Variants in SECISBP2L observed in about 807,000 individuals in gnomAD.
SECISBP2L encodes the protein selenocysteine insertion sequence-binding protein 2-like.
In SECISBP2L, 43 loss-of-function variants were observed where a neutral mutation model predicts 114.7. That is an observed-to-expected ratio of 0.38 (90% CI 0.29 to 0.48). The LOEUF is 0.48. Ranked by LOEUF, SECISBP2L falls within the 20% of genes least tolerant of loss-of-function variation. SECISBP2L has a pLI of 0.98. For missense variants in SECISBP2L, 1,136 were observed against 1,301.1 expected, an observed-to-expected ratio of 0.87 and a Z score of 1.95; for synonymous variants, 451 against 439.7, an observed-to-expected ratio of 1.03 and a Z score of -0.32.
In SECISBP2L at chr15:49,030,121, T is replaced by G. The variant is rs1902856168; in HGVS notation, c.665-1439A>C. ...TTCCTTTTTCCACATTTCTGCCGAT[T>G]CATAATTTTTATACAACACTGATAC... On this transcript the variant is annotated intron_variant, in intron 4 of 17. Transcript: ENST00000559471. 2.0e-5 allele frequency among the ~76,000 whole-genome samples: 3 copies of G among 152,156 alleles called. No homozygotes were observed. In the South Asian group the frequency reaches 6.2e-4, roughly 32 times the overall value.
chr15:49,024,218 C>A (rs1180055430), intron 7 of SECISBP2L, among the ~76,000 whole-genome samples: 1 of 152,132 alleles, frequency 6.6e-6, no homozygotes, highest in Non-Finnish European at 1.5e-5. Context: ...AATCAGTAGG[C>A]TGGGTGCCAT....
intron 13 of SECISBP2L, 28 bp downstream of exon 13, chr15:49,011,703 A>C (rs1902439380): frequency 1.2e-6 from 2 of 1,612,280 alleles, no homozygotes; most frequent in Non-Finnish European, 1.7e-6. Context: ...CCATTCCATG[A>C]GAAGAGGAGA....
intron 1 of SECISBP2L, among the ~76,000 whole-genome samples, chr15:49,040,410 ACT>A (rs1903099114): frequency 6.6e-6 from 1 of 151,108 alleles, no homozygotes; most frequent in African/African-American, 2.4e-5. Context: ...TATAGCTACA[ACT>A]CTGTATGGTT....
At chr15:49,023,023 C>T (rs1049627608) in intron 7 of SECISBP2L, among the ~76,000 whole-genome samples, 1 of 108,908 alleles carries the variant, frequency 9.2e-6, no homozygotes, top group African/African-American at 2.7e-5. Context: ...CCTTTAGAAG[C>T]CATCAAAAAA....
chr15:49,031,301 G>A (rs897093404), intron 4 of SECISBP2L, among the ~76,000 whole-genome samples: 6 of 151,738 alleles, frequency 4.0e-5, no homozygotes, highest in South Asian at 2.1e-4. Context: ...TGTCTGCCTC[G>A]GCCTCCCAAA....
chr15:48,993,406 G>A (rs188666592), intron 17 of SECISBP2L, among the ~76,000 whole-genome samples: 66 of 152,100 alleles, frequency 4.3e-4, no homozygotes, highest in African/African-American at 1.5e-3. Flanking sequence ...ATACCAATAG[G>A]AGCTCACTGG....
intron 1 of SECISBP2L, 31 bp downstream of exon 1, chr15:49,046,245 G>A (rs947215840): frequency 5.8e-6 from 9 of 1,565,058 alleles, no homozygotes; most frequent in Admixed American, 5.6e-5. Context: ...CCCAACCCCC[G>A]GCTCGGCGGG....
intron 17 of SECISBP2L, among the ~76,000 whole-genome samples, chr15:48,994,582 G>A (rs1268477752): frequency 6.6e-6 from 1 of 152,070 alleles, no homozygotes; most frequent in Non-Finnish European, 1.5e-5. Context: ...AACATCAGCT[G>A]TACTCTTTCT....
chr15:49,033,908 T>C (rs1027101712), intron 3 of SECISBP2L, among the ~76,000 whole-genome samples: 1 of 152,214 alleles, frequency 6.6e-6, no homozygotes, highest in African/African-American at 2.4e-5. Context: ...CATCACTTAA[T>C]AGCAACTTAC....
chr15:48,996,596 AAG>A lies in SECISBP2L; in HGVS notation c.2404-12_2404-11del. Reference sequence around the variant, plus strand: ...ATTTATTAAACAGGCTCTGAAAAGAAAGAGTATTTTGATTAATCCATTTTTTT... The same window carrying A: ...ATTTATTAAACAGGCTCTGAAAAGAAAGTATTTTGATTAATCCATTTTTTT... On this transcript the variant is annotated splice_polypyrimidine_tract_variant and intron_variant, in intron 16 of 17. Coordinates refer to ENST00000559471, the MANE Select transcript of SECISBP2L (RefSeq NM_001193489.2). 1.2e-6 allele frequency: 2 copies of A among 1,607,588 alleles called. No homozygotes were observed. Among genetic ancestry groups the A allele is most frequent in the Non-Finnish European group, 1.7e-6 (2 of 1,176,540 alleles).
chr15:49,030,355 T>C (rs1188632082), intron 4 of SECISBP2L, among the ~76,000 whole-genome samples: 1 of 152,116 alleles, frequency 6.6e-6, no homozygotes, highest in East Asian at 1.9e-4. Flanking sequence ...AAATACCCCC[T>C]CTCTTTCTAG....
chr15:49,038,280 G>C (rs1260716286), intron 1 of SECISBP2L, among the ~76,000 whole-genome samples: 2 of 151,988 alleles, frequency 1.3e-5, no homozygotes, highest in Admixed American at 1.3e-4. Context: ...ACATTAACAA[G>C]AAAAAATCTG....
chr15:49,009,164 T>C (rs999167465), intron 14 of SECISBP2L, 52 bp downstream of exon 14: 1 of 1,564,084 alleles, frequency 6.4e-7, no homozygotes, highest in African/African-American at 1.4e-5. Flanking sequence ...AATTCAGAAC[T>C]ACAATCAAGA....
intron 17 of SECISBP2L, among the ~76,000 whole-genome samples, chr15:48,993,800 G>A (rs1902037364): frequency 6.6e-6 from 1 of 151,522 alleles, no homozygotes; most frequent in South Asian, 2.1e-4. Flanking sequence ...ATCAGTTGAA[G>A]GCAAAAAAAG....
chr15:48,994,303 T>TGG (rs1190133767), intron 17 of SECISBP2L, among the ~76,000 whole-genome samples: 1 of 152,218 alleles, frequency 6.6e-6, no homozygotes, highest in East Asian at 1.9e-4. Context: ...CTACTAAATC[T>TGG]GTTTACTACT....
chr15:48,996,249 C>A (rs773971931), intron 17 of SECISBP2L, 118 bp downstream of exon 17: 41 of 1,041,696 alleles, frequency 3.9e-5, no homozygotes, highest in Non-Finnish European at 5.6e-5. Flanking sequence ...TGTTTTAAAC[C>A]AAATTTCGAG....
chr15:48,996,470 T>C lies in SECISBP2L; in HGVS notation c.2520A>G (p.Val840=). The C allele has an allele frequency of 6.2e-7, 1 of 1,614,126 alleles. No individual in the cohort carries two copies. The highest frequency in any genetic ancestry group is 8.5e-7 in the Non-Finnish European group (1 of 1,179,982). ...TCCGAGAATGTCCCATGTGGTGTGG[T>C]ACCTTCTTCACATTCTTTAAGGCTT... ...AEEALKNVKK[V]PHHMGHSRNP... is the part of the protein sequence containing the mutation. Residue 840 remains valine (V), a synonymous_variant, in exon 17 of 18, where the codon GTA becomes GTG. Transcript: ENST00000559471.
At chr15:49,024,963 A>C (rs1339589449) in intron 7 of SECISBP2L, among the ~76,000 whole-genome samples, 16 of 152,130 alleles carry the variant, frequency 1.1e-4, no homozygotes, top group Non-Finnish European at 2.4e-4. Flanking sequence ...AAAGAGATAA[A>C]ATGTTTTTCA....
At chr15:49,029,899 CT>C (rs11426884) in intron 4 of SECISBP2L, among the ~76,000 whole-genome samples, 61 of 142,286 alleles carry the variant, frequency 4.3e-4, no homozygotes, top group Admixed American at 4.9e-4. Context: ...TGAGGCTGAT[CT>C]TTTTTTTTTT....
Sources: allele counts gnomAD v4.1 joint callset (sites outside exome capture counted in the v4.1 genomes callset), GRCh38; gene constraint gnomAD v4.1.1; transcripts MANE v1.5; gene names NCBI Gene and HGNC (gene_info 2026-07-23, HGNC 2026-07-21).